PINX1: variants seen among roughly 807,000 people sequenced by gnomAD.
PINX1 encodes the protein PIN2 (TERF1) interacting telomerase inhibitor 1.
In PINX1, 34 loss-of-function variants were observed where a neutral mutation model predicts 25.4. The observed-to-expected ratio is 1.34, with a 90% CI of 1.02 to 1.78. The LOEUF (loss-of-function observed/expected upper bound fraction) is 1.78, where lower values mean the gene tolerates loss of function less well. Among genes scored for constraint, PINX1 ranks in the 40% most tolerant of loss-of-function variants. The pLI, the probability that PINX1 is intolerant of heterozygous loss-of-function variation, is 0.00. For missense variants in PINX1, 592 were observed against 404.9 expected (o/e 1.46, Z -3.97); for synonymous variants, 197 against 147.7 (o/e 1.33, Z -2.42).
intron 1 of PINX1, 174 bp downstream of exon 1, chr8:10,839,563 TC>T (rs772700419): frequency 1.6e-6 from 1 of 642,524 alleles, no homozygotes; most frequent in Non-Finnish European, 2.7e-6. Flanking sequence ...CGGCCAACTT[TC>T]GGGGAGCTCT....
In PINX1 at chr8:10,831,753, T is replaced by G; in HGVS notation, c.223-10A>C. 6.5e-7 allele frequency: 1 copy of G among 1,545,708 alleles called. No homozygotes were observed. On this transcript the variant is annotated splice_polypyrimidine_tract_variant and intron_variant, in intron 3 of 6. Transcript: ENST00000314787. ...GGGCAATCCAGTTGTCCTGAAAATA[T>G]CAAAGAAATGAACGAGAGGTAAGCC...
intron 6 of PINX1, among the ~76,000 whole-genome samples, chr8:10,790,318 C>G (rs900493860): frequency 6.6e-6 from 1 of 152,176 alleles, no homozygotes; most frequent in Non-Finnish European, 1.5e-5. Context: ...AGAGAAGGCT[C>G]TGACATGCAC....
intron 6 of PINX1, among the ~76,000 whole-genome samples, chr8:10,783,637 G>C (rs1028591133): frequency 6.6e-6 from 1 of 152,138 alleles, no homozygotes; most frequent in Non-Finnish European, 1.5e-5. Flanking sequence ...CAGACTTCCT[G>C]ATGAGGTTGT....
chr8:10,776,942 C>T (rs569572058), intron 6 of PINX1, among the ~76,000 whole-genome samples: 1 of 152,318 alleles, frequency 6.6e-6, no homozygotes, highest in African/African-American at 2.4e-5. Flanking sequence ...GCTTTCCTGG[C>T]AAGAGAGAAG....
chr8:10,778,720 T>C (rs1801491299), intron 6 of PINX1, among the ~76,000 whole-genome samples: 1 of 152,210 alleles, frequency 6.6e-6, no homozygotes, highest in South Asian at 2.1e-4. Flanking sequence ...AAACACCCAC[T>C]GGCATCCCAT....
intron 6 of PINX1, among the ~76,000 whole-genome samples, chr8:10,782,682 G>T (rs913687709): frequency 3.3e-5 from 5 of 152,188 alleles, no homozygotes; most frequent in African/African-American, 1.2e-4. Flanking sequence ...GTTGCAGTGA[G>T]CCGAGATGGT....
chr8:10,815,931 G>A (rs1035694472), intron 6 of PINX1, among the ~76,000 whole-genome samples: 3 of 152,224 alleles, frequency 2.0e-5, no homozygotes, highest in Admixed American at 2.0e-4. Context: ...TCGGCCTTTA[G>A]CACTGGGTAG....
chr8:10,795,744 A>G (rs78508459), intron 6 of PINX1, among the ~76,000 whole-genome samples: 516 of 152,304 alleles, frequency 3.4e-3, no homozygotes, highest in South Asian at 8.5e-3. Context: ...AGCATACTGT[A>G]TTACCTAAAT....
At position 10,825,225 on chromosome 8, in the gene PINX1, C is replaced by T. The variant is rs142427240; in HGVS notation, c.394+927G>A. ...ATTCCAGCTCCCACTGCTATCCAGG[C>T]TGGCTGTACAAGTTAAGAGCTTCCC... is the stretch of plus-strand genomic sequence containing the variant. On this transcript the variant is annotated intron_variant, in intron 5 of 6. Transcript: ENST00000314787. 227 of 424,538 alleles carry T rather than the reference C, an allele frequency of 5.3e-4. 2 individuals carry two copies. The highest frequency in any genetic ancestry group is 4.4e-3 in the African/African-American group (215 of 48,730). The allele number at this position is 424,538 out of a possible 1,614,324, so 26.3% of individuals were successfully genotyped here.
intron 6 of PINX1, among the ~76,000 whole-genome samples, chr8:10,795,880 T>C (rs1802069236): frequency 6.6e-6 from 1 of 152,236 alleles, no homozygotes; most frequent in African/African-American, 2.4e-5. Flanking sequence ...TTTGATTTTT[T>C]TTTTTCATGA....
At chr8:10,811,332 G>C (rs1014927482) in intron 6 of PINX1, among the ~76,000 whole-genome samples, 1 of 152,144 alleles carries the variant, frequency 6.6e-6, no homozygotes, top group Admixed American at 6.5e-5. Flanking sequence ...GAAGAAACCA[G>C]AGTAGAACAT....
At chr8:10,821,258 A>G (rs1329791967) in intron 5 of PINX1, among the ~76,000 whole-genome samples, 1 of 152,290 alleles carries the variant, frequency 6.6e-6, no homozygotes, top group Non-Finnish European at 1.5e-5. Context: ...GTCATGACCC[A>G]GAAGGTTCTA....
intron 6 of PINX1, among the ~76,000 whole-genome samples, chr8:10,814,975 T>C: frequency 6.6e-6 from 1 of 152,214 alleles, no homozygotes; most frequent in East Asian, 1.9e-4. Flanking sequence ...GGTCTCACTC[T>C]GTGACCCAGG....
At chr8:10,814,282 G>C (rs745372684) in intron 6 of PINX1, among the ~76,000 whole-genome samples, 1 of 152,210 alleles carries the variant, frequency 6.6e-6, no homozygotes, top group Non-Finnish European at 1.5e-5. Flanking sequence ...GAAGTTTTCT[G>C]AGCAACTGGC....
chr8:10,832,978 C>G lies in PINX1; in HGVS notation c.136G>C (p.Gly46Arg). The G allele has an allele frequency of 6.2e-7, 1 of 1,604,306 alleles. No individual in the cohort carries two copies. The highest frequency in any genetic ancestry group is 8.5e-7 in the Non-Finnish European group (1 of 1,173,204). The change falls in exon 3 of 7, where the codon GGG (glycine) becomes CGG (arginine). Residue 46 changes from glycine (G) to arginine (R), a missense_variant. Gly to Arg is a moderately radical substitution (Grantham distance 125). Coordinates refer to ENST00000314787, the MANE Select transcript of PINX1 (RefSeq NM_017884.6). ...KMGWSKGKGL[G>R]AQEQGATDHI... is the part of the protein sequence containing the mutation. ...TCTGTGGCTCCTTGCTCCTGAGCCCCTAAACCCTGTGGAGATTAAACACAG... is the reference window on the plus strand; with the variant it reads ...TCTGTGGCTCCTTGCTCCTGAGCCCGTAAACCCTGTGGAGATTAAACACAG...
chr8:10,779,077 C>T (rs544049885), intron 6 of PINX1, among the ~76,000 whole-genome samples: 7 of 152,252 alleles, frequency 4.6e-5, no homozygotes, highest in Middle Eastern at 6.8e-3. Flanking sequence ...TGGAGGGTAG[C>T]GGAGAAATAA....
chr8:10,780,835 T>C (rs559109955), intron 6 of PINX1, among the ~76,000 whole-genome samples: 1 of 152,228 alleles, frequency 6.6e-6, no homozygotes, highest in African/African-American at 2.4e-5. Context: ...GCATTCTTAA[T>C]AGAAATAGAA....
At chr8:10,832,224 C>A (rs1798245918) in intron 3 of PINX1, among the ~76,000 whole-genome samples, 1 of 152,078 alleles carries the variant, frequency 6.6e-6, no homozygotes, top group African/African-American at 2.4e-5. Context: ...GGAGGAAGAA[C>A]CTTAAGTCCC....
chr8:10,791,457 G>T (rs969968963), intron 6 of PINX1, among the ~76,000 whole-genome samples: 1 of 152,152 alleles, frequency 6.6e-6, no homozygotes, highest in Non-Finnish European at 1.5e-5. Context: ...CAGGCTCCTG[G>T]CCGTGACGAG....
Sources: allele counts gnomAD v4.1 joint callset (sites outside exome capture counted in the v4.1 genomes callset), GRCh38; gene constraint gnomAD v4.1.1; transcripts MANE v1.5; gene names NCBI Gene and HGNC (gene_info 2026-07-23, HGNC 2026-07-21).